The following PSPN variants were observed in gnomAD, a reference collection of about 807,000 sequenced individuals.
PSPN encodes the protein persephin.
PSPN carries 12 observed loss-of-function variants against 9.4 expected under a neutral mutation model. The observed-to-expected ratio is 1.28, with a 90% CI of 0.82 to 2.07. The LOEUF (loss-of-function observed/expected upper bound fraction) is 2.07. PSPN is among the 30% of genes most tolerant of loss of function. The pLI, the probability that PSPN is intolerant of heterozygous loss-of-function variation, is 0.00. For missense variants in PSPN, 229 were observed against 227.4 expected (o/e 1.01, Z -0.05); for synonymous variants, 115 against 106.4 (o/e 1.08, Z -0.50).
chr19:6,375,700 AC>A lies in PSPN; in HGVS notation c.148+1del. ...TCACAGAGGGTCCCTGGAAGTCCTTACCCAGCCAGGTCCCTCCAGCCTTTGC... is the reference window on the plus strand; with the variant it reads ...TCACAGAGGGTCCCTGGAAGTCCTTACCAGCCAGGTCCCTCCAGCCTTTGC... On this transcript the variant is annotated splice_donor_variant, in intron 1 of 1. Transcript: ENST00000245810. LOFTEE classifies it high-confidence loss of function. 1 of 1,612,886 alleles carries A rather than the reference AC, an allele frequency of 6.2e-7. No individual in the cohort carries two copies. The highest frequency in any genetic ancestry group is 8.5e-7 in the Non-Finnish European group (1 of 1,179,550).
In PSPN at chr19:6,375,864, C is replaced by A; in HGVS notation, c.-15G>T. The A allele has an allele frequency of 6.2e-7, 1 of 1,613,980 alleles. No homozygotes were observed. Among genetic ancestry groups the A allele is most frequent in the Non-Finnish European group, 8.5e-7 (1 of 1,179,988 alleles). On this transcript the variant is annotated 5_prime_UTR_variant, in exon 1 of 2. Transcript: ENST00000245810. ...CCTACGGCCATTGTGACGGGCAGGT[C>A]CTGAGAGTGGGAGCTGTGCCCCAAA... is the stretch of plus-strand genomic sequence containing the variant.
chr19:6,375,596 G>C lies in PSPN; in HGVS notation c.169C>G (p.Arg57Gly). ...GGACCAGACAGGGCTCGGCGCAGGCGGGCAAGGGGGCGGTGGGTGCCTGTG... is the reference window on the plus strand; with the variant it reads ...GGACCAGACAGGGCTCGGCGCAGGCCGGCAAGGGGGCGGTGGGTGCCTGTG... ...TWLGTHRPLA[R>G]LRRALSGPCQ... The change falls in exon 2 of 2, where the codon CGC becomes GGC. Residue 57 changes from arginine to glycine, a missense_variant. Arg to Gly is a moderately radical substitution (Grantham distance 125). Coordinates refer to ENST00000245810, the MANE Select transcript of PSPN (RefSeq NM_004158.5). 1 of 1,583,796 alleles carries C rather than the reference G, an allele frequency of 6.3e-7. No individual in the cohort carries two copies. Among genetic ancestry groups the C allele is most frequent in the Admixed American group, 1.8e-5 (1 of 55,198 alleles).
In PSPN at chr19:6,375,241, A is replaced by T; in HGVS notation, c.*53T>A. 1 of 1,390,058 alleles carries T rather than the reference A, an allele frequency of 7.2e-7. No homozygotes were observed. The highest frequency in any genetic ancestry group is 9.3e-7 in the Non-Finnish European group (1 of 1,079,250). 86.1% of individuals were successfully genotyped at this position (1,390,058 alleles called of 1,614,324 possible). A position where few individuals can be genotyped will look rare whatever the true frequency, so the allele number is the denominator to read the frequency against. ...TCTGCATCCAGGTCTCCAATAAATA[A>T]GTCAGCCGAGCTCCCCCAGCACTGC... On this transcript the variant is annotated 3_prime_UTR_variant, in exon 2 of 2. Coordinates refer to ENST00000245810, the MANE Select transcript of PSPN (RefSeq NM_004158.5).
rs1198577621 is a variant in PSPN, at chr19:6,375,757, C to T, written c.93G>A (p.Val31=). The change falls in exon 1 of 2, where the codon GTG becomes GTA. Residue 31 remains valine, a synonymous_variant. Coordinates refer to ENST00000245810, the MANE Select transcript of PSPN (RefSeq NM_004158.5). ...GWGPDARGVP[V]ADGEFSSEQV... ...GTTCAGACGAGAACTCTCCATCGGC[C>T]ACGGGAACCCCACGGGCATCGGGGC... 4 of 1,614,102 alleles carry T rather than the reference C, an allele frequency of 2.5e-6. No individual in the cohort carries two copies.
intron 1 of PSPN, 24 bp from the exon 2 acceptor site, chr19:6,375,640 A>G: frequency 6.3e-7 from 1 of 1,597,896 alleles, no homozygotes. Flanking sequence ...GGGCGCTGAC[A>G]GTGAGCAGGG....
At position 6,375,744 on chromosome 19, in the gene PSPN, A is replaced by G. The variant is rs762230749; in HGVS notation, c.106T>C (p.Phe36Leu). Residue 36 changes from phenylalanine (F) to leucine (L), a missense_variant, in exon 1 of 2, where the codon TTC becomes CTC. By Grantham distance (22) the Phe-to-Leu change is conservative (BLOSUM62 0). Transcript: ENST00000245810. ...ARGVPVADGE[F>L]SSEQVAKAGG... ...GCCTTTGCCACCTGTTCAGACGAGA[A>G]CTCTCCATCGGCCACGGGAACCCCA... 6.2e-7 allele frequency: 1 copy of G among 1,613,220 alleles called. No individual in the cohort carries two copies. The highest frequency in any genetic ancestry group is 1.3e-5 in the African/African-American group (1 of 74,716).
Position 6,375,882 on chromosome 19 carries a change from G to A in PSPN, c.-33C>T, listed in dbSNP as rs1448488751. On this transcript the variant is annotated 5_prime_UTR_variant, in exon 1 of 2. Coordinates refer to ENST00000245810, the MANE Select transcript of PSPN (RefSeq NM_004158.5). ...GGCAGGTCCTGAGAGTGGGAGCTGTGCCCCAAATTTATGCCCTGCCTGGGC... is the reference window on the plus strand; with the variant it reads ...GGCAGGTCCTGAGAGTGGGAGCTGTACCCCAAATTTATGCCCTGCCTGGGC... 3 of 1,613,662 alleles carry A rather than the reference G, an allele frequency of 1.9e-6. No homozygotes were observed. Among genetic ancestry groups the A allele is most frequent in the East Asian group, 2.2e-5 (1 of 44,868 alleles).
rs1329354487 is a variant in PSPN at position 6,375,579 on chromosome 19, C to T, written c.186G>A (p.Leu62=). The change falls in exon 2 of 2, where the codon CTG becomes CTA. Residue 62 remains leucine, a synonymous_variant. Transcript: ENST00000245810. ...HRPLARLRRA[L]SGPCQLWSLT... ...GGCTCCACAGCTGGCATGGACCAGA[C>T]AGGGCTCGGCGCAGGCGGGCAAGGG... 6.3e-7 allele frequency: 1 copy of T among 1,582,728 alleles called. No individual in the cohort carries two copies. The highest frequency in any genetic ancestry group is 8.6e-7 in the Non-Finnish European group (1 of 1,164,132).
rs1032329860 is a variant in PSPN, at chr19:6,375,404, C to T, written c.361G>A (p.Gly121Arg). ...TAGCGAGTGGGCCGGCAGCAGGGCC[C>T]GCCGTGGGCTCGGCCCTGGCCCTGC... ...RLQGQGRAHG[G>R]PCCRPTRYTD... The change falls in exon 2 of 2, where the codon GGG becomes AGG. Residue 121 changes from glycine to arginine, a missense_variant. Transcript: ENST00000245810. 1.3e-5 allele frequency: 20 copies of T among 1,497,196 alleles called. No individual in the cohort carries two copies. The highest frequency in any genetic ancestry group is 2.1e-4 in the Middle Eastern group (1 of 4,706). 92.7% of individuals were successfully genotyped at this position (1,497,196 alleles called of 1,614,324 possible).
chr19:6,375,835 C>CT lies in PSPN; in HGVS notation c.14dup (p.Phe6ValfsTer34). 6.2e-7 allele frequency: 1 copy of CT among 1,614,094 alleles called. No individual in the cohort carries two copies. Among genetic ancestry groups the CT allele is most frequent in the Non-Finnish European group, 8.5e-7 (1 of 1,180,014 alleles). ...GGAGCAGCAGGGAGCCCAGCAGGAACTTCCCTACGGCCATTGTGACGGGCA... is the reference window on the plus strand; with the variant it reads ...GGAGCAGCAGGGAGCCCAGCAGGAACTTTCCCTACGGCCATTGTGACGGGCA... On this transcript the variant is annotated frameshift_variant, in exon 1 of 2. Coordinates refer to ENST00000245810, the MANE Select transcript of PSPN (RefSeq NM_004158.5). LOFTEE classifies it high-confidence loss of function.
chr19:6,375,227 G>T lies in PSPN; in HGVS notation c.*67C>A. 1 of 1,381,102 alleles carries T rather than the reference G, an allele frequency of 7.2e-7. No homozygotes were observed. The highest frequency in any genetic ancestry group is 9.3e-7 in the Non-Finnish European group (1 of 1,071,020). 85.6% of individuals were successfully genotyped at this position (1,381,102 alleles called of 1,614,324 possible). A position where few individuals can be genotyped will look rare whatever the true frequency, so the allele number is the denominator to read the frequency against. ...CCCTCCTCGTTGTCTCTGCATCCAG[G>T]TCTCCAATAAATAAGTCAGCCGAGC... On this transcript the variant is annotated 3_prime_UTR_variant, in exon 2 of 2. Coordinates refer to ENST00000245810, the MANE Select transcript of PSPN (RefSeq NM_004158.5).
chr19:6,375,906 G>A lies in PSPN; in HGVS notation c.-57C>T. The A allele has an allele frequency of 1.2e-6, 2 of 1,610,336 alleles. No homozygotes were observed. Among genetic ancestry groups the A allele is most frequent in the East Asian group, 2.2e-5 (1 of 44,772 alleles). ...TGCCCCAAATTTATGCCCTGCCTGG[G>A]CTGGGAGCTAACCTCTTCACTGCCG... is the stretch of plus-strand genomic sequence containing the variant. On this transcript the variant is annotated 5_prime_UTR_variant, in exon 1 of 2. Coordinates refer to ENST00000245810, the MANE Select transcript of PSPN (RefSeq NM_004158.5).
intron 1 of PSPN, 39 bp downstream of exon 1, chr19:6,375,663 A>T: frequency 6.2e-7 from 1 of 1,608,418 alleles, no homozygotes; most frequent in Non-Finnish European, 8.5e-7. Context: ...AGGGCTGGGG[A>T]AAGTTGGGAA....
At chr19:6,375,651 T>C (rs1448843021) in intron 1 of PSPN, 35 bp from the exon 2 acceptor site, 1 of 1,603,916 alleles carries the variant, frequency 6.2e-7, no homozygotes, top group Admixed American at 1.7e-5. Flanking sequence ...GTGAGCAGGG[T>C]CAGGGCTGGG....
rs759117662 is a variant in PSPN at position 6,375,635 on chromosome 19, C to G, written c.149-19G>C. The G allele has an allele frequency of 6.3e-7, 1 of 1,596,036 alleles. No homozygotes were observed. The highest frequency in any genetic ancestry group is 1.3e-5 in the African/African-American group (1 of 74,576). On this transcript the variant is annotated intron_variant, in intron 1 of 1. Transcript: ENST00000245810. ...TGGGTGCCTGTGGGAGGGAAGGGCGCTGACAGTGAGCAGGGTCAGGGCTGG... is the reference window on the plus strand; with the variant it reads ...TGGGTGCCTGTGGGAGGGAAGGGCGGTGACAGTGAGCAGGGTCAGGGCTGG...
chr19:6,375,739 C>G lies in PSPN; in HGVS notation c.111G>C (p.Ser37=), dbSNP rs760307414. The G allele has an allele frequency of 1.4e-5, 22 of 1,613,938 alleles. No individual in the cohort carries two copies. The highest frequency in any genetic ancestry group is 5.0e-5 in the Admixed American group (3 of 59,994). The stretch of plus-strand genomic sequence containing the variant: ...CTCCAGCCTTTGCCACCTGTTCAGA[C>G]GAGAACTCTCCATCGGCCACGGGAA... ...RGVPVADGEF[S]SEQVAKAGGT... is the part of the protein sequence containing the mutation. The change falls in exon 1 of 2, where the codon TCG becomes TCC. Residue 37 remains serine (S), a synonymous_variant. Transcript: ENST00000245810.
In PSPN at chr19:6,375,701, C is replaced by A. The variant is rs144981753; in HGVS notation, c.148+1G>T. The A allele has an allele frequency of 1.2e-6, 2 of 1,613,396 alleles. No individual in the cohort carries two copies. Among genetic ancestry groups the A allele is most frequent in the Non-Finnish European group, 1.7e-6 (2 of 1,179,678 alleles). On this transcript the variant is annotated splice_donor_variant, in intron 1 of 1. Coordinates refer to ENST00000245810, the MANE Select transcript of PSPN (RefSeq NM_004158.5). LOFTEE classifies it high-confidence loss of function. ...CACAGAGGGTCCCTGGAAGTCCTTA[C>A]CCAGCCAGGTCCCTCCAGCCTTTGC...
chr19:6,375,356 C>A lies in PSPN; in HGVS notation c.409G>T (p.Asp137Tyr). The change falls in exon 2 of 2, where the codon GAC (aspartate) becomes TAC (tyrosine). Residue 137 changes from aspartate to tyrosine, a missense_variant. Asp to Tyr is a radical substitution (Grantham distance 160, BLOSUM62 -3). Coordinates refer to ENST00000245810, the MANE Select transcript of PSPN (RefSeq NM_004158.5). ...GGCAGCCGCTGCCAGCGGTGGCGGT[C>A]ATCGAGGAAGGCCACGTCGGTGTAG... ...TRYTDVAFLDDRHRWQRLPQL... is the reference protein window; with the variant it reads ...TRYTDVAFLDYRHRWQRLPQL... The A allele has an allele frequency of 6.8e-7, 1 of 1,469,592 alleles. No homozygotes were observed. The highest frequency in any genetic ancestry group is 1.3e-5 in the South Asian group (1 of 74,976). The allele number at this position is 1,469,592 out of a possible 1,614,324, so 91.0% of individuals were successfully genotyped here. A position where few individuals can be genotyped will look rare whatever the true frequency, so the allele number is the denominator to read the frequency against.
In PSPN at chr19:6,375,341, G is replaced by A. The variant is rs1394745080; in HGVS notation, c.424C>T (p.Gln142Ter). The A allele has an allele frequency of 5.5e-6, 8 of 1,452,218 alleles. No homozygotes were observed. Among genetic ancestry groups the A allele is most frequent in the Non-Finnish European group, 5.4e-6 (6 of 1,113,816 alleles). The allele number at this position is 1,452,218 out of a possible 1,614,324, so 90.0% of individuals were successfully genotyped here. ...GCCGCCGAGAGCTGGGGCAGCCGCT[G>A]CCAGCGGTGGCGGTCATCGAGGAAG... ...VAFLDDRHRW[Q>*]RLPQLSAAAC... Residue 142 changes from glutamine (Q) to a stop codon, truncating the protein, a stop_gained, in exon 2 of 2, where the codon CAG (glutamine) becomes TAG (stop). Coordinates refer to ENST00000245810, the MANE Select transcript of PSPN (RefSeq NM_004158.5). LOFTEE classifies it high-confidence loss of function.
Sources: gnomAD v4.1 joint callset for allele counts on GRCh38, gnomAD v4.1.1 for gene constraint, MANE v1.5 for transcripts, NCBI Gene and HGNC (gene_info 2026-07-23, HGNC 2026-07-21) for gene names.